The following SH3RF1 variants were observed in gnomAD, a reference collection of about 807,000 sequenced individuals.
SH3RF1 encodes E3 ubiquitin-protein ligase SH3RF1.
In SH3RF1, 32 loss-of-function variants were observed where a neutral mutation model predicts 74.0. That is an observed-to-expected ratio of 0.43 (90% CI 0.33 to 0.58). SH3RF1 has a LOEUF of 0.58. Among genes scored for constraint, SH3RF1 ranks in the 20% least tolerant of loss-of-function variants. The probability of loss-of-function intolerance (pLI) is 0.05; values close to 1 mark genes in which losing one functional copy is unlikely to be tolerated. For missense variants in SH3RF1, 954 were observed against 1,130.9 expected (o/e 0.84, Z 2.24); for synonymous variants, 396 against 439.6 (o/e 0.90, Z 1.24).
intron 8 of SH3RF1, among the ~76,000 whole-genome samples, chr4:169,119,953 C>A (rs1473923505): frequency 6.6e-6 from 1 of 152,178 alleles, no homozygotes; most frequent in Non-Finnish European, 1.5e-5. Context: ...AAAAGCTGAA[C>A]TATCTTTACA....
intron 5 of SH3RF1, among the ~76,000 whole-genome samples, chr4:169,131,064 C>T (rs905607587): frequency 1.3e-5 from 2 of 152,190 alleles, no homozygotes; most frequent in Non-Finnish European, 2.9e-5. Flanking sequence ...ACATAGTTTT[C>T]TCAGTTCCCA....
intron 2 of SH3RF1, among the ~76,000 whole-genome samples, chr4:169,237,432 G>A (rs1448903903): frequency 6.6e-6 from 1 of 152,188 alleles, no homozygotes. Context: ...CTTGAGGCCA[G>A]GAGTTCAAGA....
intron 2 of SH3RF1, among the ~76,000 whole-genome samples, chr4:169,264,551 A>C (rs1731323113): frequency 6.6e-6 from 1 of 152,158 alleles, no homozygotes; most frequent in South Asian, 2.1e-4. Context: ...CACAGCATTT[A>C]CAGGGGAAAA....
At chr4:169,123,049 A>G (rs1179921444) in intron 6 of SH3RF1, among the ~76,000 whole-genome samples, 1 of 152,226 alleles carries the variant, frequency 6.6e-6, no homozygotes, top group Admixed American at 6.5e-5. Context: ...ACAGGCACAC[A>G]AAGACTGCCT....
At chr4:169,231,703 C>CA (rs1730742693) in intron 2 of SH3RF1, among the ~76,000 whole-genome samples, 1 of 152,106 alleles carries the variant, frequency 6.6e-6, no homozygotes, top group East Asian at 1.9e-4. Context: ...ACATAACCAC[C>CA]CACTATGCAT....
rs184819491 is a variant in SH3RF1, at chr4:169,168,764, G to A, written c.394-12085C>T. Reference sequence around the variant, plus strand: ...GGCAAAGGGACAGACTATGACTGATGATCTCTAGTAATCTATGATTTCTTT... The same window carrying A: ...GGCAAAGGGACAGACTATGACTGATAATCTCTAGTAATCTATGATTTCTTT... On this transcript the variant is annotated intron_variant, in intron 2 of 11. Coordinates refer to ENST00000284637, the MANE Select transcript of SH3RF1 (RefSeq NM_020870.4). Among the ~76,000 whole-genome samples, 211 of 152,352 alleles carry A rather than the reference G, an allele frequency of 1.4e-3. 2 individuals are homozygous for A. The South Asian group carries it at 0.027, about 19-fold the overall frequency.
intron 2 of SH3RF1, among the ~76,000 whole-genome samples, chr4:169,240,660 T>A (rs13105241): frequency 0.022 from 3,293 of 152,322 alleles, 48 homozygotes; most frequent in South Asian, 0.038. Context: ...TGAAATTATA[T>A]CAAGTTCATT....
At chr4:169,208,379 T>C (rs1730296315) in intron 2 of SH3RF1, among the ~76,000 whole-genome samples, 1 of 152,062 alleles carries the variant, frequency 6.6e-6, no homozygotes, top group Non-Finnish European at 1.5e-5. Context: ...CTAAAGAAAG[T>C]CTTGTAATAG....
intron 10 of SH3RF1, among the ~76,000 whole-genome samples, chr4:169,110,753 G>A (rs540318004): frequency 2.0e-5 from 3 of 152,296 alleles, no homozygotes; most frequent in East Asian, 1.9e-4. Context: ...TGGCCCACCT[G>A]TAGGAATGCT....
intron 4 of SH3RF1, among the ~76,000 whole-genome samples, chr4:169,151,676 A>G (rs1373353125): frequency 6.6e-6 from 1 of 152,232 alleles, no homozygotes; most frequent in Non-Finnish European, 1.5e-5. Context: ...ATAGTTGTCT[A>G]TGAGGCCACT....
chr4:169,104,466 A>G (rs1053203378), intron 11 of SH3RF1, among the ~76,000 whole-genome samples: 2 of 152,242 alleles, frequency 1.3e-5, no homozygotes, highest in African/African-American at 4.8e-5. Flanking sequence ...AAGCTTTACT[A>G]AGAGCACAAC....
At chr4:169,172,895 G>A (rs1465781659) in intron 2 of SH3RF1, among the ~76,000 whole-genome samples, 1 of 152,220 alleles carries the variant, frequency 6.6e-6, no homozygotes, top group African/African-American at 2.4e-5. Context: ...TAGGGTAGGA[G>A]AGAAGAGAGA....
At chr4:169,252,129 C>T (rs1019235271) in intron 2 of SH3RF1, among the ~76,000 whole-genome samples, 1 of 152,140 alleles carries the variant, frequency 6.6e-6, no homozygotes, top group Non-Finnish European at 1.5e-5. Flanking sequence ...CTTAAGAGGG[C>T]CTGCGTTTTC....
chr4:169,170,413 G>A (rs1404091399), intron 2 of SH3RF1, among the ~76,000 whole-genome samples: 1 of 152,136 alleles, frequency 6.6e-6, no homozygotes, highest in Non-Finnish European at 1.5e-5. Context: ...TCCTACTAAC[G>A]AAAAATTTAA....
chr4:169,123,946 C>T (rs1363274355), intron 6 of SH3RF1, among the ~76,000 whole-genome samples: 1 of 151,906 alleles, frequency 6.6e-6, no homozygotes, highest in Non-Finnish European at 1.5e-5. Flanking sequence ...AGGCTTAGAG[C>T]CTCCAAAACC....
intron 2 of SH3RF1, among the ~76,000 whole-genome samples, chr4:169,248,456 GGAGGGGAACATCACACAC>G (rs1266744896): frequency 2.0e-5 from 3 of 152,094 alleles, no homozygotes; most frequent in Non-Finnish European, 2.9e-5. Context: ...ATGGATACAG[GGAGGGGAACATCACACAC>G]CAGGGCCTGT....
In SH3RF1 at chr4:169,149,141, G is replaced by A. The variant is rs1403462847; in HGVS notation, c.765+6339C>T. Among the ~76,000 whole-genome samples the A allele has an allele frequency of 1.6e-4, 25 of 152,110 alleles. 1 individual carries two copies. Among genetic ancestry groups the A allele is most frequent in the Admixed American group, 1.6e-3 (25 of 15,260 alleles). On this transcript the variant is annotated intron_variant, in intron 4 of 11. Coordinates refer to ENST00000284637, the MANE Select transcript of SH3RF1 (RefSeq NM_020870.4). ...ACATTAACCGATCTTTACAATCTCAGCTCTCTCAATGTTTTCCTGATGGAA... is the reference window on the plus strand; with the variant it reads ...ACATTAACCGATCTTTACAATCTCAACTCTCTCAATGTTTTCCTGATGGAA...
chr4:169,153,696 C>T (rs1047143568), intron 4 of SH3RF1, among the ~76,000 whole-genome samples: 1 of 152,176 alleles, frequency 6.6e-6, no homozygotes, highest in Admixed American at 6.5e-5. Context: ...AATCTGATGG[C>T]TTGACATCAA....
intron 11 of SH3RF1, among the ~76,000 whole-genome samples, chr4:169,100,196 A>G (rs1378958663): frequency 2.6e-5 from 4 of 152,106 alleles, no homozygotes; most frequent in African/African-American, 9.7e-5. Flanking sequence ...GGTTTGGGGA[A>G]GTTCTGAACC....
Sources: gnomAD v4.1 joint callset for allele counts (sites outside exome capture counted in the v4.1 genomes callset) on GRCh38, gnomAD v4.1.1 for gene constraint, MANE v1.5 for transcripts, NCBI Gene and HGNC (gene_info 2026-07-23, HGNC 2026-07-21) for gene names.